Variants in FBN1 observed in about 807,000 individuals in gnomAD.
The protein encoded by FBN1 is fibrillin 1.
In FBN1, 29 loss-of-function variants were observed where a neutral mutation model predicts 365.1. That is an observed-to-expected ratio of 0.08 (90% confidence interval 0.06 to 0.11). The LOEUF is 0.11. Among genes scored for constraint, FBN1 ranks in the 10% least tolerant of loss-of-function variants. The probability of loss-of-function intolerance (pLI) is 1.00; values close to 1 mark genes in which losing one functional copy is unlikely to be tolerated. For synonymous variants in FBN1, 1,210 were observed against 1,270.5 expected, an observed-to-expected ratio of 0.95 and a Z score of 1.01; for missense variants, 2,476 against 3,703.2, an observed-to-expected ratio of 0.67 and a Z score of 8.60.
chr15:48,571,747 C>G (rs2044306943), intron 6 of FBN1, among the ~76,000 whole-genome samples: 2 of 152,144 alleles, frequency 1.3e-5, no homozygotes, highest in Non-Finnish European at 1.5e-5. Context: ...GTGCCTGTAG[C>G]CATCCTCCAA....
intron 64 of FBN1, among the ~76,000 whole-genome samples, chr15:48,415,013 T>C: frequency 6.6e-6 from 1 of 152,178 alleles, no homozygotes; most frequent in Non-Finnish European, 1.5e-5. Flanking sequence ...AGTGTTTCAA[T>C]GCACCTTTGG....
intron 6 of FBN1, among the ~76,000 whole-genome samples, chr15:48,564,284 T>C (rs1450378620): frequency 1.3e-5 from 2 of 152,204 alleles, no homozygotes; most frequent in Non-Finnish European, 2.9e-5. Context: ...GAAGGCTTTT[T>C]ATTGTATAGG....
At chr15:48,526,014 G>T in intron 9 of FBN1, 116 bp downstream of exon 9, 1 of 1,391,164 alleles carries the variant, frequency 7.2e-7, no homozygotes, top group Non-Finnish European at 1.0e-6. Context: ...TTCCAAAAAT[G>T]TACATTTTAC....
At position 48,639,017 on chromosome 15, in the gene FBN1, C is replaced by T. The variant is rs78352518; in HGVS notation, c.164+5589G>A. Among the ~76,000 whole-genome samples the T allele has an allele frequency of 0.015, 2,304 of 152,258 alleles. 206 individuals carry two copies. The East Asian group carries it at 0.24, about 16-fold the overall frequency. On this transcript the variant is annotated intron_variant, in intron 2 of 65. Coordinates refer to ENST00000316623, the MANE Select transcript of FBN1 (RefSeq NM_000138.5). ...TCTTTCTGTTTTATTAATGTCTTTG[C>T]AGAAAGTTTCTTGTTGGACTAAATA...
chr15:48,411,221 G>A lies in FBN1; in HGVS notation c.8385C>T (p.Ile2795=), dbSNP rs138574576. ...AGAAGCCATCTTCATTTCCAGATTC[G>A]ATCAAGTATCTGTTGTGATTCGTCA... ...TTLTNHNRYL[I]ESGNEDGFFK... Residue 2795 remains isoleucine, a synonymous_variant, in exon 66 of 66, where the codon ATC becomes ATT. Transcript: ENST00000316623. 9.4e-5 allele frequency: 152 copies of A among 1,614,038 alleles called. 1 individual carries two copies. In the African/African-American group the frequency reaches 1.9e-3, roughly 20 times the overall value.
intron 17 of FBN1, among the ~76,000 whole-genome samples, chr15:48,503,066 G>A (rs1462549288): frequency 5.3e-5 from 8 of 152,046 alleles, no homozygotes; most frequent in East Asian, 1.9e-4. Context: ...TTGGGAGGCC[G>A]AGGCAGGTGG....
intron 2 of FBN1, among the ~76,000 whole-genome samples, chr15:48,618,139 T>C (rs943161182): frequency 6.6e-6 from 1 of 152,056 alleles, no homozygotes; most frequent in Non-Finnish European, 1.5e-5. Flanking sequence ...GATCAAAAGG[T>C]ACATGCCCTC....
rs147380345 is a variant in FBN1, at chr15:48,582,962, C to T, written c.538+13321G>A. Among the ~76,000 whole-genome samples, 11 of 152,222 alleles carry T rather than the reference C, an allele frequency of 7.2e-5. No homozygotes were observed. The East Asian group carries it at 9.7e-4, about 13-fold the overall frequency. ...CTCTGGGAAGAGTCTCATGGTCAGC[C>T]GGAGCCATCAAACTTCTAATGTGCT... On this transcript the variant is annotated intron_variant, in intron 6 of 65. Transcript: ENST00000316623.
chr15:48,569,261 A>C (rs1244968017), intron 6 of FBN1, among the ~76,000 whole-genome samples: 1 of 152,112 alleles, frequency 6.6e-6, no homozygotes, highest in Non-Finnish European at 1.5e-5. Flanking sequence ...AAAAATGAAA[A>C]CCACAGGACA....
chr15:48,642,900 A>C (rs1597651258), intron 2 of FBN1: 1 of 152,314 alleles, frequency 6.6e-6, no homozygotes, highest in East Asian at 1.9e-4. Context: ...ACCAGAGAGA[A>C]AAAGCACAAG....
intron 63 of FBN1, among the ~76,000 whole-genome samples, chr15:48,420,443 G>A (rs183904185): frequency 1.3e-5 from 2 of 152,230 alleles, no homozygotes; most frequent in East Asian, 1.9e-4. Context: ...AGGATATTGC[G>A]CTTCAAGAAA....
In FBN1 at chr15:48,441,826, C is replaced by G; in HGVS notation, c.6058G>C (p.Glu2020Gln). 6.2e-7 allele frequency: 1 copy of G among 1,613,588 alleles called. No homozygotes were observed. The highest frequency in any genetic ancestry group is 8.5e-7 in the Non-Finnish European group (1 of 1,179,644). Residue 2020 changes from glutamate to glutamine, a missense_variant, in exon 50 of 66, where the codon GAG (glutamate) becomes CAG (glutamine). Around this residue, in one of 5 missense-constraint regions of FBN1, gnomAD observed 1,780 missense variants for 2,840.8 expected, o/e 0.63. Transcript: ENST00000316623. ...GTGCCCAGGGCACAAATTTCTGGCTCTTCGACACACTCATCAATATCTAAA... is the reference window on the plus strand; with the variant it reads ...GTGCCCAGGGCACAAATTTCTGGCTGTTCGACACACTCATCAATATCTAAA... The part of the protein sequence containing the change: ...KCEDIDECVE[E>Q]PEICALGTCS...
intron 6 of FBN1, among the ~76,000 whole-genome samples, chr15:48,539,698 G>C (rs565275107): frequency 6.6e-6 from 1 of 152,018 alleles, no homozygotes; most frequent in East Asian, 1.9e-4. Flanking sequence ...CATGCCAAAA[G>C]ACAAGCCTAA....
chr15:48,502,605 C>T (rs948230313), intron 17 of FBN1, among the ~76,000 whole-genome samples: 1 of 152,146 alleles, frequency 6.6e-6, no homozygotes, highest in Non-Finnish European at 1.5e-5. Context: ...GCCAAGCTAC[C>T]TTAAAATTGT....
In FBN1 at chr15:48,475,314, A is replaced by G. The variant is rs995621890; in HGVS notation, c.3965-664T>C. Among the ~76,000 whole-genome samples, 6 of 152,322 alleles carry G rather than the reference A, an allele frequency of 3.9e-5. No homozygotes were observed. In the East Asian group the frequency reaches 5.8e-4, roughly 15 times the overall value. On this transcript the variant is annotated intron_variant, in intron 32 of 65. Transcript: ENST00000316623. The stretch of plus-strand genomic sequence containing the variant: ...TCTTGTATATTTCATGTAAAACTCA[A>G]GTTAATCCAATGGGGATTTTGTCAG...
At chr15:48,493,189 CAATCTCTCTCA>C (rs1360891711) in intron 23 of FBN1, among the ~76,000 whole-genome samples, 1 of 152,118 alleles carries the variant, frequency 6.6e-6, no homozygotes, top group Non-Finnish European at 1.5e-5. Flanking sequence ...ATCATTCATC[CAATCTCTCTCA>C]AATGTACCAG....
At position 48,474,303 on chromosome 15, in the gene FBN1, G is replaced by A. The variant is rs770860280; in HGVS notation, c.4162C>T (p.Arg1388Cys). The change falls in exon 34 of 66, where the codon CGC (arginine) becomes TGC (cysteine). Residue 1388 changes from arginine to cysteine, a missense_variant. Around this residue, in one of 5 missense-constraint regions of FBN1, gnomAD observed 1,780 missense variants for 2,840.8 expected, o/e 0.63. Coordinates refer to ENST00000316623, the MANE Select transcript of FBN1 (RefSeq NM_000138.5). ...GTGTATCCTTCCTTGCACAGACAGC[G>A]GTAAGATCCCATGGTATTCTTGCAG... ...ADCKNTMGSY[R>C]CLCKEGYTGD... 13 of 1,613,910 alleles carry A rather than the reference G, an allele frequency of 8.1e-6. No individual in the cohort carries two copies. The highest frequency in any genetic ancestry group is 6.7e-5 in the African/African-American group (5 of 74,888).
intron 6 of FBN1, among the ~76,000 whole-genome samples, chr15:48,573,995 G>C (rs926457265): frequency 4.6e-5 from 7 of 152,216 alleles, no homozygotes; most frequent in Non-Finnish European, 7.3e-5. Context: ...CTTTAGCCTT[G>C]TCCCGACCGC....
chr15:48,543,788 A>G (rs1446510690), intron 6 of FBN1, among the ~76,000 whole-genome samples: 1 of 152,218 alleles, frequency 6.6e-6, no homozygotes, highest in Non-Finnish European at 1.5e-5. Context: ...TGTGGACTAC[A>G]TACTACATGA....
Sources: gnomAD v4.1 joint callset for allele counts (sites outside exome capture counted in the v4.1 genomes callset) on GRCh38, gnomAD v4.1.1 for gene constraint, gnomAD v4.1.1 regional missense constraint, MANE v1.5 for transcripts, NCBI Gene and HGNC (gene_info 2026-07-23, HGNC 2026-07-21) for gene names.